The following BCL2 variants were observed in gnomAD, a reference collection of about 807,000 sequenced individuals.
BCL2 encodes the protein apoptosis regulator Bcl-2.
In BCL2, 1 loss-of-function variant was observed where a neutral mutation model predicts 14.2. The observed-to-expected ratio is 0.07, with a 90% CI of 0.02 to 0.33. The LOEUF (loss-of-function observed/expected upper bound fraction) is 0.33. Among genes scored for constraint, BCL2 ranks in the 10% least tolerant of loss-of-function variants. The pLI is 0.99. For missense variants in BCL2, 247 were observed against 305.9 expected, an observed-to-expected ratio of 0.81 and a Z score of 1.44; for synonymous variants, 151 against 137.2, an observed-to-expected ratio of 1.10 and a Z score of -0.70.
chr18:63,266,822 C>A (rs935669964), intron 2 of BCL2, among the ~76,000 whole-genome samples: 5 of 152,120 alleles, frequency 3.3e-5, no homozygotes, highest in Non-Finnish European at 7.4e-5. Flanking sequence ...TCCTCCCTTT[C>A]TCCTAAAGTT....
At chr18:63,269,623 T>C (rs961111648) in intron 2 of BCL2, among the ~76,000 whole-genome samples, 1 of 152,222 alleles carries the variant, frequency 6.6e-6, no homozygotes, top group Non-Finnish European at 1.5e-5. Context: ...TTCTCCATAA[T>C]CTGTGTGCTT....
At chr18:63,274,315 C>T (rs545871963) in intron 2 of BCL2, among the ~76,000 whole-genome samples, 6 of 112,996 alleles carry the variant, frequency 5.3e-5, no homozygotes, top group African/African-American at 2.1e-4. Flanking sequence ...TGGAGTCTTG[C>T]TCTGTCACCC....
chr18:63,242,041 T>C (rs1911018306), intron 2 of BCL2, among the ~76,000 whole-genome samples: 1 of 152,142 alleles, frequency 6.6e-6, no homozygotes, highest in Non-Finnish European at 1.5e-5. Flanking sequence ...GATGGGTGAC[T>C]CCAAGGTGTA....
At chr18:63,288,822 C>G (rs1362952968) in intron 2 of BCL2, among the ~76,000 whole-genome samples, 1 of 151,978 alleles carries the variant, frequency 6.6e-6, no homozygotes, top group Non-Finnish European at 1.5e-5. Flanking sequence ...TAACTGTCTA[C>G]TGTTTCTTTA....
rs1291591689 is a variant in BCL2 at position 63,270,640 on chromosome 18, A to C, written c.585+47442T>G. Among the ~76,000 whole-genome samples, 4 of 152,200 alleles carry C rather than the reference A, an allele frequency of 2.6e-5. No individual in the cohort carries two copies. The East Asian group carries it at 7.7e-4, about 29-fold the overall frequency. ...AAGGAAACCCTTTTCCCAGAATAGA[A>C]GTCTGGGGACAATAGGAGGAGGAGG... On this transcript the variant is annotated intron_variant, in intron 2 of 2. Transcript: ENST00000333681.
chr18:63,188,092 A>G (rs1915633076), intron 2 of BCL2, among the ~76,000 whole-genome samples: 1 of 152,214 alleles, frequency 6.6e-6, no homozygotes, highest in East Asian at 1.9e-4. Context: ...CAGAATAATT[A>G]ATAACAATGG....
Position 63,149,885 on chromosome 18 carries a change from ATTTAT to A in BCL2, c.586-21131_586-21127del, listed in dbSNP as rs1490992055. Among the ~76,000 whole-genome samples the A allele has an allele frequency of 6.7e-6, 1 of 148,550 alleles. No individual in the cohort carries two copies. The highest frequency in any genetic ancestry group is 2.5e-5 in the African/African-American group (1 of 39,382). ...TATTTATTTATTTATTTATTTATTT[ATTTAT>A]TTTGAGACAGCGTCTCCCTCTGTCA... On this transcript the variant is annotated intron_variant, in intron 2 of 2. Coordinates refer to ENST00000333681, the MANE Select transcript of BCL2 (RefSeq NM_000633.3). This position sits in a 1 kb window ranked among gnomAD's most constrained non-coding sequence, Gnocchi z 4.2.
At chr18:63,172,514 GT>G (rs1183605356) in intron 2 of BCL2, among the ~76,000 whole-genome samples, 1 of 152,168 alleles carries the variant, frequency 6.6e-6, no homozygotes, top group Non-Finnish European at 1.5e-5. Context: ...GGGCGTGGTG[GT>G]TCACGCCTGT....
chr18:63,226,516 T>A (rs1410749217), intron 2 of BCL2, among the ~76,000 whole-genome samples: 1 of 152,192 alleles, frequency 6.6e-6, no homozygotes, highest in African/African-American at 2.4e-5. Context: ...AGCCATAACA[T>A]GGAATTTTAC....
chr18:63,269,510 G>T (rs1911940710), intron 2 of BCL2, among the ~76,000 whole-genome samples: 1 of 152,008 alleles, frequency 6.6e-6, no homozygotes, highest in Non-Finnish European at 1.5e-5. Flanking sequence ...TTGCCACAAG[G>T]GATTTTCATC....
intron 2 of BCL2, chr18:63,302,925 A>G (rs1009178998): frequency 1.0e-6 from 1 of 967,980 alleles, no homozygotes; most frequent in African/African-American, 1.8e-5. Flanking sequence ...GGATGGAAAT[A>G]ACTCTCCCTT....
intron 2 of BCL2, among the ~76,000 whole-genome samples, chr18:63,267,228 G>T (rs772234200): frequency 6.6e-6 from 1 of 152,204 alleles, no homozygotes; most frequent in Non-Finnish European, 1.5e-5. Flanking sequence ...GGGGCATTCC[G>T]TGCTTGGGTA....
chr18:63,217,105 A>T (rs1910227759), intron 2 of BCL2, among the ~76,000 whole-genome samples: 1 of 152,196 alleles, frequency 6.6e-6, no homozygotes, highest in South Asian at 2.1e-4. Flanking sequence ...CAACTGAGGT[A>T]GTTTAGTAAA....
intron 2 of BCL2, among the ~76,000 whole-genome samples, chr18:63,212,692 T>C (rs1910071319): frequency 6.6e-6 from 1 of 152,084 alleles, no homozygotes; most frequent in Admixed American, 6.5e-5. Context: ...CTGGCCAACA[T>C]GGTGAAATCC....
chr18:63,292,973 C>T (rs1912693841), intron 2 of BCL2, among the ~76,000 whole-genome samples: 3 of 152,160 alleles, frequency 2.0e-5, no homozygotes, highest in Admixed American at 1.3e-4. Context: ...ACCTGGTGGC[C>T]GCTGGACCCT....
intron 2 of BCL2, among the ~76,000 whole-genome samples, chr18:63,261,346 TG>T (rs764304113): frequency 3.9e-5 from 6 of 152,122 alleles, no homozygotes; most frequent in Non-Finnish European, 8.8e-5. Flanking sequence ...TCCTTCCAAC[TG>T]CTCCCACTGG....
At chr18:63,257,965 G>A (rs1374324955) in intron 2 of BCL2, among the ~76,000 whole-genome samples, 2 of 152,144 alleles carry the variant, frequency 1.3e-5, no homozygotes, top group Non-Finnish European at 2.9e-5. Context: ...ATATGTTCAA[G>A]TCCCCAGTAC....
At chr18:63,183,965 T>C (rs1268652075) in intron 2 of BCL2, among the ~76,000 whole-genome samples, 1 of 152,146 alleles carries the variant, frequency 6.6e-6, no homozygotes, top group Non-Finnish European at 1.5e-5. Flanking sequence ...GGCCCTGCCC[T>C]CAAACATACC....
At chr18:63,203,177 A>G (rs914922643) in intron 2 of BCL2, among the ~76,000 whole-genome samples, 3 of 152,228 alleles carry the variant, frequency 2.0e-5, no homozygotes, top group Non-Finnish European at 2.9e-5. Flanking sequence ...GAATTAAAAG[A>G]AAGAAAACAG....
Sources: allele counts gnomAD v4.1 joint callset (sites outside exome capture counted in the v4.1 genomes callset), GRCh38; gene constraint gnomAD v4.1.1; non-coding constraint Gnocchi (gnomAD v3.1); transcripts MANE v1.5; gene names NCBI Gene and HGNC (gene_info 2026-07-23, HGNC 2026-07-21).